SIL1: variants seen among roughly 807,000 people sequenced by gnomAD.
SIL1 encodes nucleotide exchange factor SIL1.
Under a neutral mutation model 49.1 loss-of-function variants are expected in SIL1, and 40 were observed. The observed-to-expected ratio is 0.81, with a 90% confidence interval of 0.63 to 1.06. The LOEUF (loss-of-function observed/expected upper bound fraction) is 1.06, where lower values mean the gene tolerates loss of function less well. Ranked by LOEUF, SIL1 falls within the 50% of genes least tolerant of loss-of-function variation. SIL1 has a pLI of 0.00. For synonymous variants in SIL1, 253 were observed against 250.8 expected (o/e 1.01, Z -0.08); for missense variants, 500 against 572.6 (o/e 0.87, Z 1.29).
chr5:139,193,636 A>G (rs556620597), intron 1 of SIL1, among the ~76,000 whole-genome samples: 1 of 152,290 alleles, frequency 6.6e-6, no homozygotes, highest in Admixed American at 6.5e-5. Flanking sequence ...AATGAACAAA[A>G]GGTTGAAAAA....
chr5:139,148,589 A>T (rs1204931580), intron 1 of SIL1, among the ~76,000 whole-genome samples: 4 of 152,244 alleles, frequency 2.6e-5, no homozygotes, highest in African/African-American at 9.6e-5. Flanking sequence ...ACATTCAGCC[A>T]AGGATCAGTA....
At chr5:139,035,641 A>ATT in intron 5 of SIL1, 1 of 227,288 alleles carries the variant, frequency 4.4e-6, no homozygotes, top group South Asian at 4.9e-5. Context: ...CAGGTATACA[A>ATT]CTTTTTTTTT....
intron 1 of SIL1, among the ~76,000 whole-genome samples, chr5:139,163,094 T>C (rs1581143010): frequency 6.7e-6 from 1 of 149,050 alleles, no homozygotes; most frequent in South Asian, 2.1e-4. Flanking sequence ...CAGAAGGGAG[T>C]AGGGGAGGTT....
At chr5:139,045,304 G>T (rs1220936565) in intron 4 of SIL1, among the ~76,000 whole-genome samples, 1 of 152,046 alleles carries the variant, frequency 6.6e-6, no homozygotes, top group Non-Finnish European at 1.5e-5. Context: ...GCCATGATTA[G>T]GCCACTGCAC....
chr5:138,960,138 C>T (rs972848049), intron 7 of SIL1, among the ~76,000 whole-genome samples: 5 of 152,190 alleles, frequency 3.3e-5, no homozygotes, highest in African/African-American at 7.2e-5. Context: ...TAAAATTTAA[C>T]ATGCCACTTG....
intron 1 of SIL1, among the ~76,000 whole-genome samples, chr5:139,168,247 CTGT>C (rs977689386): frequency 6.6e-6 from 1 of 152,180 alleles, no homozygotes; most frequent in African/African-American, 2.4e-5. Context: ...AGAACTATCC[CTGT>C]TGTTAAGTGA....
intron 3 of SIL1, among the ~76,000 whole-genome samples, chr5:139,087,108 C>T (rs1770240641): frequency 6.6e-6 from 1 of 152,068 alleles, no homozygotes; most frequent in African/African-American, 2.4e-5. Context: ...AGTAGGATTA[C>T]AGGTATGAGC....
intron 3 of SIL1, among the ~76,000 whole-genome samples, chr5:139,090,390 G>A (rs997209674): frequency 2.6e-5 from 4 of 152,024 alleles, no homozygotes; most frequent in African/African-American, 9.7e-5. Context: ...GTCTCCAACT[G>A]CCATCTAGAT....
chr5:139,194,904 A>T (rs901504594), intron 1 of SIL1, among the ~76,000 whole-genome samples: 9 of 152,092 alleles, frequency 5.9e-5, no homozygotes, highest in African/African-American at 2.2e-4. Context: ...ACCTATTTCG[A>T]AAAAGGTACA....
At chr5:139,120,178 A>G (rs913140803) in intron 3 of SIL1, among the ~76,000 whole-genome samples, 4 of 152,182 alleles carry the variant, frequency 2.6e-5, no homozygotes, top group African/African-American at 9.7e-5. Context: ...GTGAAACTAC[A>G]CTGTGGCAGC....
chr5:139,017,906 T>C (rs1047473403), intron 7 of SIL1, among the ~76,000 whole-genome samples: 4 of 152,072 alleles, frequency 2.6e-5, no homozygotes, highest in African/African-American at 9.7e-5. Flanking sequence ...GAAAGGCCAA[T>C]GAAAGTATTT....
intron 7 of SIL1, among the ~76,000 whole-genome samples, chr5:138,974,194 G>A (rs1460699120): frequency 1.4e-4 from 22 of 152,246 alleles, no homozygotes; most frequent in Admixed American, 9.8e-4. Flanking sequence ...CGGCTGCAAC[G>A]GGGTCTCTCT....
At chr5:138,949,113 C>A (rs918413606) in intron 9 of SIL1, among the ~76,000 whole-genome samples, 1 of 152,258 alleles carries the variant, frequency 6.6e-6, no homozygotes, top group African/African-American at 2.4e-5. Flanking sequence ...TCAGGGACGA[C>A]AGGGACTGCG....
At chr5:139,102,951 T>C (rs1276046087) in intron 3 of SIL1, among the ~76,000 whole-genome samples, 1 of 152,074 alleles carries the variant, frequency 6.6e-6, no homozygotes, top group Non-Finnish European at 1.5e-5. Context: ...CAACCTCAGG[T>C]GATCCACCTG....
chr5:138,991,633 G>A (rs532501657), intron 7 of SIL1, among the ~76,000 whole-genome samples: 3 of 152,198 alleles, frequency 2.0e-5, no homozygotes, highest in Non-Finnish European at 4.4e-5. Context: ...GATATTTCCT[G>A]CCATCCTTCA....
intron 3 of SIL1, among the ~76,000 whole-genome samples, chr5:139,087,519 T>A (rs1479484999): frequency 6.6e-6 from 1 of 152,096 alleles, no homozygotes; most frequent in Non-Finnish European, 1.5e-5. Flanking sequence ...CACCCCAGCT[T>A]GGGTGACAGA....
At chr5:139,160,267 C>T (rs985724039) in intron 1 of SIL1, among the ~76,000 whole-genome samples, 3 of 151,842 alleles carry the variant, frequency 2.0e-5, no homozygotes, top group African/African-American at 2.4e-5. Context: ...GCTGTGAAAA[C>T]TTCCGAAAGA....
chr5:138,955,631 C>CT (rs1766885755), intron 7 of SIL1, among the ~76,000 whole-genome samples: 1 of 152,134 alleles, frequency 6.6e-6, no homozygotes, highest in Non-Finnish European at 1.5e-5. Flanking sequence ...GAGATTGCTG[C>CT]CCAGCACACA....
chr5:139,122,770 T>A (rs1050188465), intron 2 of SIL1, among the ~76,000 whole-genome samples: 1 of 152,202 alleles, frequency 6.6e-6, no homozygotes, highest in Admixed American at 6.5e-5. Flanking sequence ...GAAATTTAGA[T>A]GGCAGAATTT....
Sources: allele counts gnomAD v4.1 joint callset (sites outside exome capture counted in the v4.1 genomes callset), GRCh38; gene constraint gnomAD v4.1.1; transcripts MANE v1.5; gene names NCBI Gene and HGNC (gene_info 2026-07-23, HGNC 2026-07-21).